GOLGA1: variants seen among roughly 807,000 people sequenced by gnomAD.
GOLGA1 encodes golgin A1, also known as golgin subfamily A member 1.
Under a neutral mutation model 119.7 loss-of-function variants are expected in GOLGA1, and 63 were observed. The observed-to-expected ratio is 0.53, with a 90% CI of 0.43 to 0.65. The LOEUF (loss-of-function observed/expected upper bound fraction) is 0.65. Ranked by LOEUF, GOLGA1 falls within the 30% of genes least tolerant of loss-of-function variation. GOLGA1 has a pLI of 0.00. For synonymous variants in GOLGA1, 318 were observed against 333.4 expected (o/e 0.95, Z 0.50); for missense variants, 798 against 912.8 (o/e 0.87, Z 1.62).
At chr9:124,924,841 A>G (rs1830642672) in intron 7 of GOLGA1, among the ~76,000 whole-genome samples, 1 of 151,914 alleles carries the variant, frequency 6.6e-6, no homozygotes, top group Non-Finnish European at 1.5e-5. Context: ...GCACTTTGGG[A>G]GGCCGAGGCA....
chr9:124,889,370 C>T (rs1197846246), intron 17 of GOLGA1, 64 bp downstream of exon 17: 15 of 1,591,678 alleles, frequency 9.4e-6, no homozygotes, highest in East Asian at 6.7e-5. Context: ...GTGGCAAGGC[C>T]GTCACAAGGC....
At position 124,878,451 on chromosome 9, in the gene GOLGA1, C is replaced by A. The variant is rs996398361; in HGVS notation, c.*2079G>T. 2.6e-5 allele frequency: 4 copies of A among 152,618 alleles called. No individual in the cohort carries two copies. The highest frequency in any genetic ancestry group is 7.2e-5 in the African/African-American group (3 of 41,426). The allele number at this position is 152,618 out of a possible 1,614,324, so 9.5% of individuals were successfully genotyped here. ...ACAGCAGTTTTCAAGAATACAATCC[C>A]TATTTACAACATGGAAGGAGAGCTC... On this transcript the variant is annotated 3_prime_UTR_variant, in exon 23 of 23. Transcript: ENST00000373555.
At position 124,881,762 on chromosome 9, in the gene GOLGA1, A is replaced by G. The variant is rs1829587984; in HGVS notation, c.2136+22T>C. On this transcript the variant is annotated intron_variant, in intron 21 of 22. Coordinates refer to ENST00000373555, the MANE Select transcript of GOLGA1 (RefSeq NM_002077.4). The surrounding 1 kb of genome is among the most constrained non-coding windows in gnomAD (Gnocchi z 4.9). ...GTAGGGCGGGGCCTCAATACCCAAA[A>G]GACACCTCAAAAGCCCTTTACCTCG... 1 of 1,576,430 alleles carries G rather than the reference A, an allele frequency of 6.3e-7. No homozygotes were observed. Among genetic ancestry groups the G allele is most frequent in the East Asian group, 2.2e-5 (1 of 44,554 alleles).
chr9:124,921,937 T>G (rs747403443), intron 8 of GOLGA1, 45 bp from the exon 9 acceptor site: 2 of 1,518,732 alleles, frequency 1.3e-6, no homozygotes, highest in South Asian at 2.3e-5. Context: ...CTAAGAAAAA[T>G]ACACTTAAGA....
chr9:124,891,843 C>T (rs1046682207), intron 15 of GOLGA1, among the ~76,000 whole-genome samples: 3 of 151,864 alleles, frequency 2.0e-5, no homozygotes, highest in Non-Finnish European at 2.9e-5. Context: ...CCGGGTTTCG[C>T]CATGTTGGCC....
At chr9:124,928,342 A>G (rs1394537506) in intron 5 of GOLGA1, 57 bp from the exon 6 acceptor site, 4 of 886,948 alleles carry the variant, frequency 4.5e-6, no homozygotes, top group Non-Finnish European at 7.4e-6. Flanking sequence ...CAGCATGACA[A>G]ATAGCCCATG....
intron 10 of GOLGA1, 111 bp from the exon 11 acceptor site, chr9:124,912,137 G>T: frequency 1.1e-6 from 1 of 912,132 alleles, no homozygotes; most frequent in Non-Finnish European, 1.7e-6. Context: ...CTGTATCCTA[G>T]AAGAACAAAC....
intron 6 of GOLGA1, 30 bp from the exon 7 acceptor site, chr9:124,926,771 TC>T: frequency 1.4e-6 from 2 of 1,397,880 alleles, no homozygotes; most frequent in African/African-American, 1.5e-5. Context: ...AAGTATGGTT[TC>T]CAGTGAAGAG....
At chr9:124,895,795 T>A (rs1189011143) in intron 15 of GOLGA1, among the ~76,000 whole-genome samples, 13 of 121,548 alleles carry the variant, frequency 1.1e-4, no homozygotes, top group African/African-American at 4.3e-4. Context: ...CAGAGAACCA[T>A]CCCCAACAGA....
rs754508114 is a variant in GOLGA1, at chr9:124,938,528, G to A, written c.135+49C>T. ...ATCAAGCAATTTAAAATATTTATTG[G>A]AAGAATACCCTGCAAAAGTATCTTT... is the stretch of plus-strand genomic sequence containing the variant. On this transcript the variant is annotated intron_variant, in intron 3 of 22. Coordinates refer to ENST00000373555, the MANE Select transcript of GOLGA1 (RefSeq NM_002077.4). 1.2e-5 allele frequency: 18 copies of A among 1,471,536 alleles called. No individual in the cohort carries two copies. In the South Asian group the frequency reaches 2.0e-4, roughly 16 times the overall value. The allele number at this position is 1,471,536 out of a possible 1,614,324, so 91.2% of individuals were successfully genotyped here.
chr9:124,883,901 G>A (rs1189158492), intron 19 of GOLGA1, among the ~76,000 whole-genome samples: 1 of 151,114 alleles, frequency 6.6e-6, no homozygotes, highest in Non-Finnish European at 1.5e-5. Context: ...TTTCTTTGAT[G>A]TTTAAATAGT....
At chr9:124,885,275 C>T (rs1269645559) in intron 19 of GOLGA1, among the ~76,000 whole-genome samples, 1 of 151,276 alleles carries the variant, frequency 6.6e-6, no homozygotes, top group Non-Finnish European at 1.5e-5. Context: ...TTGCAGTGAG[C>T]TGAGATCGCG....
chr9:124,926,862 G>A, intron 6 of GOLGA1, 121 bp from the exon 7 acceptor site: 4 of 560,412 alleles, frequency 7.1e-6, no homozygotes, highest in Middle Eastern at 4.4e-4. Context: ...AAACAAAAAA[G>A]CCAATTAAAA....
intron 3 of GOLGA1, among the ~76,000 whole-genome samples, chr9:124,936,392 A>C (rs912569897): frequency 3.3e-5 from 5 of 152,188 alleles, no homozygotes; most frequent in Non-Finnish European, 7.4e-5. Context: ...GTCTATCGCC[A>C]GGAGAAGACA....
chr9:124,890,497 C>T lies in GOLGA1; in HGVS notation c.1408-19G>A, dbSNP rs1356770995. 1 of 1,582,050 alleles carries T rather than the reference C, an allele frequency of 6.3e-7. No homozygotes were observed. The highest frequency in any genetic ancestry group is 8.7e-7 in the Non-Finnish European group (1 of 1,150,862). On this transcript the variant is annotated intron_variant, in intron 15 of 22. Transcript: ENST00000373555. Reference sequence around the variant, plus strand: ...ATTCTTCCTACAATGCAGAAAACCACTGAGCCCCAAAACTTAGTTCACAGT... The same window carrying T: ...ATTCTTCCTACAATGCAGAAAACCATTGAGCCCCAAAACTTAGTTCACAGT...
At chr9:124,885,284 C>G (rs1424217292) in intron 19 of GOLGA1, among the ~76,000 whole-genome samples, 3 of 150,960 alleles carry the variant, frequency 2.0e-5, no homozygotes, top group African/African-American at 4.9e-5. Context: ...GCTGAGATCG[C>G]GCCACTGCAC....
chr9:124,933,940 T>C (rs2131530027), intron 3 of GOLGA1, among the ~76,000 whole-genome samples: 1 of 152,316 alleles, frequency 6.6e-6, no homozygotes. Context: ...ATGCACCTTT[T>C]CCCTTTGCTG....
intron 5 of GOLGA1, 97 bp downstream of exon 5, chr9:124,929,119 T>C (rs1422690358): frequency 2.7e-6 from 2 of 729,490 alleles, no homozygotes; most frequent in Non-Finnish European, 5.0e-6. Context: ...AATAAAGATT[T>C]GTGCTTTGAA....
At position 124,923,316 on chromosome 9, in the gene GOLGA1, T is replaced by A. The variant is rs979160009; in HGVS notation, c.433-93A>T. 5.5e-6 allele frequency: 6 copies of A among 1,098,320 alleles called. No individual in the cohort carries two copies. In the African/African-American group the frequency reaches 9.5e-5, roughly 17 times the overall value. The allele number at this position is 1,098,320 out of a possible 1,614,324, so 68.0% of individuals were successfully genotyped here. On this transcript the variant is annotated intron_variant, in intron 7 of 22. Coordinates refer to ENST00000373555, the MANE Select transcript of GOLGA1 (RefSeq NM_002077.4). ...AATCTTTTCTTTTTTAAAATTTTTG[T>A]CTTTAGAGACAGAGTCTCACTAGTT... is the stretch of plus-strand genomic sequence containing the variant.
Sources: allele counts gnomAD v4.1 joint callset (sites outside exome capture counted in the v4.1 genomes callset), GRCh38; gene constraint gnomAD v4.1.1; non-coding constraint Gnocchi (gnomAD v3.1); transcripts MANE v1.5; gene names NCBI Gene and HGNC (gene_info 2026-07-23, HGNC 2026-07-21).